WDFY2: variants seen among roughly 807,000 people sequenced by gnomAD.
WDFY2 encodes the protein WD repeat and FYVE domain-containing protein 2.
Under a neutral mutation model 56.4 loss-of-function variants are expected in WDFY2, and 36 were observed. The observed-to-expected ratio is 0.64, with a 90% CI of 0.49 to 0.84. The LOEUF (loss-of-function observed/expected upper bound fraction) is 0.84, where lower values mean the gene tolerates loss of function less well. WDFY2 is among the 40% of genes least tolerant of loss of function. WDFY2 has a pLI of 0.00. For missense variants in WDFY2, 444 were observed against 512.2 expected (o/e 0.87, Z 1.29); for synonymous variants, 176 against 183.7 (o/e 0.96, Z 0.34).
rs1227178295 is a variant in WDFY2, at chr13:51,675,168, A to G, written c.206-2A>G. The G allele has an allele frequency of 1.2e-6, 2 of 1,613,816 alleles. No individual in the cohort carries two copies. The highest frequency in any genetic ancestry group is 8.5e-7 in the Non-Finnish European group (1 of 1,179,806). ...TTTCATCAACATGTTCATTTCTTTC[A>G]GCTCCATGTTCATGCATGTCTTTTA... On this transcript the variant is annotated splice_acceptor_variant, in intron 2 of 11. Transcript: ENST00000298125. LOFTEE classifies it high-confidence loss of function.
intron 1 of WDFY2, among the ~76,000 whole-genome samples, chr13:51,631,308 T>C (rs372130976): frequency 1.3e-5 from 2 of 151,656 alleles, no homozygotes; most frequent in East Asian, 2.0e-4. Context: ...GGAGGATCAC[T>C]TGAGATCAGG....
At chr13:51,745,885 A>G (rs1953086995) in intron 7 of WDFY2, among the ~76,000 whole-genome samples, 1 of 151,464 alleles carries the variant, frequency 6.6e-6, no homozygotes. Flanking sequence ...GTATTCAACA[A>G]TTTTGTGTTA....
At chr13:51,734,538 A>AT (rs1445761417) in intron 6 of WDFY2, among the ~76,000 whole-genome samples, 1 of 152,152 alleles carries the variant, frequency 6.6e-6, no homozygotes, top group Non-Finnish European at 1.5e-5. Context: ...TATTTTGGCG[A>AT]TTTTTTTATT....
chr13:51,624,284 A>G (rs1566320948), intron 1 of WDFY2, among the ~76,000 whole-genome samples: 1 of 152,194 alleles, frequency 6.6e-6, no homozygotes. Flanking sequence ...TAATCAGTTT[A>G]TTTAACTGCC....
chr13:51,602,801 G>A (rs913997847), intron 1 of WDFY2, among the ~76,000 whole-genome samples: 4 of 152,184 alleles, frequency 2.6e-5, no homozygotes, highest in Non-Finnish European at 5.9e-5. Flanking sequence ...GAGGCCTTTG[G>A]TTAGGGGAAA....
intron 6 of WDFY2, among the ~76,000 whole-genome samples, chr13:51,735,407 A>T (rs550964549): frequency 6.6e-6 from 1 of 152,292 alleles, no homozygotes; most frequent in South Asian, 2.1e-4. Flanking sequence ...AGCAATAGAG[A>T]TATGCACAGA....
At chr13:51,674,384 G>A (rs1257841059) in intron 2 of WDFY2, among the ~76,000 whole-genome samples, 2 of 152,098 alleles carry the variant, frequency 1.3e-5, no homozygotes, top group African/African-American at 2.4e-5. Context: ...GAGAAGGCAG[G>A]GACCTGGGAG....
At position 51,694,974 on chromosome 13, in the gene WDFY2, C is replaced by T. The variant is rs538609051; in HGVS notation, c.280-8622C>T. On this transcript the variant is annotated intron_variant, in intron 3 of 11. Coordinates refer to ENST00000298125, the MANE Select transcript of WDFY2 (RefSeq NM_052950.4). ...TACCCTTTCTTCCAGTTGATCGCATCGGCTCCTGAGGCTTCTGCATTCTTC... is the reference window on the plus strand; with the variant it reads ...TACCCTTTCTTCCAGTTGATCGCATTGGCTCCTGAGGCTTCTGCATTCTTC... Among the ~76,000 whole-genome samples, 44 of 152,310 alleles carry T rather than the reference C, an allele frequency of 2.9e-4. No homozygotes were observed. The South Asian group carries it at 6.0e-3, about 21-fold the overall frequency.
chr13:51,654,631 T>A (rs1955473262), intron 1 of WDFY2, among the ~76,000 whole-genome samples: 1 of 152,192 alleles, frequency 6.6e-6, no homozygotes, highest in Non-Finnish European at 1.5e-5. Flanking sequence ...GAAAATTTTC[T>A]TCAGGGAAAA....
chr13:51,614,186 CAAAA>C (rs771044291), intron 1 of WDFY2, among the ~76,000 whole-genome samples: 3 of 60,970 alleles, frequency 4.9e-5, no homozygotes, highest in African/African-American at 7.0e-5. Flanking sequence ...ACTCGGTCTC[CAAAA>C]AAAAAAAAAA....
chr13:51,668,082 G>A lies in WDFY2; in HGVS notation c.206-7088G>A, dbSNP rs558955598. 9.2e-5 allele frequency among the ~76,000 whole-genome samples: 14 copies of A among 151,562 alleles called. No homozygotes were observed. The East Asian group carries it at 1.6e-3, about 17-fold the overall frequency. The stretch of plus-strand genomic sequence containing the variant: ...AATTTTTTGTATTTTTAGTAGAGAC[G>A]GGGTTTCACTGTGGTCTCGATCTCC... On this transcript the variant is annotated intron_variant, in intron 2 of 11. Coordinates refer to ENST00000298125, the MANE Select transcript of WDFY2 (RefSeq NM_052950.4).
At chr13:51,682,764 G>C (rs753311504) in intron 3 of WDFY2, among the ~76,000 whole-genome samples, 2 of 152,134 alleles carry the variant, frequency 1.3e-5, no homozygotes, top group African/African-American at 4.8e-5. Flanking sequence ...ACTCCTGTCA[G>C]TGTCATTATC....
chr13:51,613,105 G>A (rs1954535886), intron 1 of WDFY2, among the ~76,000 whole-genome samples: 1 of 151,994 alleles, frequency 6.6e-6, no homozygotes, highest in Admixed American at 6.6e-5. Context: ...GGCTGAGGTG[G>A]GAGGATCACT....
chr13:51,651,467 G>C (rs1955384561), intron 1 of WDFY2, among the ~76,000 whole-genome samples: 1 of 152,084 alleles, frequency 6.6e-6, no homozygotes, highest in Non-Finnish European at 1.5e-5. Flanking sequence ...GCTTTTGAAT[G>C]TGTTTGCTCT....
intron 3 of WDFY2, among the ~76,000 whole-genome samples, chr13:51,695,455 C>G (rs1242111845): frequency 6.6e-6 from 1 of 152,148 alleles, no homozygotes; most frequent in Admixed American, 6.5e-5. Flanking sequence ...CACTCCAGAC[C>G]CTGTTTGCCT....
At chr13:51,710,814 C>T (rs1364495555) in intron 4 of WDFY2, among the ~76,000 whole-genome samples, 2 of 152,186 alleles carry the variant, frequency 1.3e-5, no homozygotes, top group African/African-American at 4.8e-5. Context: ...GAAAAACATT[C>T]CATGCTCATG....
At chr13:51,700,967 CAAAAA>C (rs1470123122) in intron 3 of WDFY2, among the ~76,000 whole-genome samples, 2 of 151,194 alleles carry the variant, frequency 1.3e-5, no homozygotes, top group South Asian at 4.2e-4. Flanking sequence ...AGCTCTGTCT[CAAAAA>C]AAAGAATGTT....
chr13:51,679,344 C>A (rs1388895486), intron 3 of WDFY2, among the ~76,000 whole-genome samples: 2 of 152,094 alleles, frequency 1.3e-5, no homozygotes, highest in African/African-American at 2.4e-5. Context: ...TCTTCTCCAT[C>A]AAAACTTACA....
intron 3 of WDFY2, among the ~76,000 whole-genome samples, chr13:51,686,993 A>G (rs1183868574): frequency 6.6e-6 from 1 of 151,384 alleles, no homozygotes; most frequent in Non-Finnish European, 1.5e-5. Context: ...AAATTGTTGA[A>G]TCTTTCTTTG....
Sources: gnomAD v4.1 joint callset for allele counts (sites outside exome capture counted in the v4.1 genomes callset) on GRCh38, gnomAD v4.1.1 for gene constraint, MANE v1.5 for transcripts, NCBI Gene and HGNC (gene_info 2026-07-23, HGNC 2026-07-21) for gene names.